GRIK2: variants seen among roughly 807,000 people sequenced by gnomAD.
The protein encoded by GRIK2 is glutamate ionotropic receptor kainate type subunit 2.
A neutral mutation model predicts 100.3 loss-of-function variants in GRIK2; 32 were observed. The ratio of observed to expected loss-of-function variants is 0.32; its 90% CI spans 0.24 to 0.43. The LOEUF is 0.43. Ranked by LOEUF, GRIK2 falls within the 20% of genes least tolerant of loss-of-function variation. The pLI, the probability that GRIK2 is intolerant of heterozygous loss-of-function variation, is 1.00. For missense variants in GRIK2, 843 were observed against 1,114.9 expected (o/e 0.76, Z 3.47); for synonymous variants, 417 against 389.4 (o/e 1.07, Z -0.83).
At chr6:101,759,141 A>C (rs1777323964) in intron 7 of GRIK2, among the ~76,000 whole-genome samples, 2 of 152,210 alleles carry the variant, frequency 1.3e-5, no homozygotes, top group South Asian at 4.1e-4. Context: ...TATTCTCTGC[A>C]TCTGTAATGA....
At chr6:102,030,515 G>A (rs1451224832) in intron 14 of GRIK2, among the ~76,000 whole-genome samples, 1 of 150,488 alleles carries the variant, frequency 6.6e-6, no homozygotes, top group African/African-American at 2.4e-5. Flanking sequence ...CCCTCAATTA[G>A]CCCTTGCTAA....
At chr6:101,882,426 A>C (rs1487498164) in intron 11 of GRIK2, among the ~76,000 whole-genome samples, 1 of 152,154 alleles carries the variant, frequency 6.6e-6, no homozygotes, top group Non-Finnish European at 1.5e-5. Context: ...TATTCTGAAG[A>C]CATCAGTTAA....
chr6:101,933,252 C>A (rs1319759816), intron 14 of GRIK2, among the ~76,000 whole-genome samples: 1 of 151,808 alleles, frequency 6.6e-6, no homozygotes, highest in Non-Finnish European at 1.5e-5. Flanking sequence ...AGTTTTATCC[C>A]CTCTACATCA....
chr6:101,916,709 T>C (rs1165343352), intron 12 of GRIK2, among the ~76,000 whole-genome samples: 1 of 151,694 alleles, frequency 6.6e-6, no homozygotes, highest in Non-Finnish European at 1.5e-5. Context: ...TTTATACTAA[T>C]GTAATAGTTT....
chr6:101,556,043 T>C (rs1470611615), intron 2 of GRIK2, among the ~76,000 whole-genome samples: 20 of 152,242 alleles, frequency 1.3e-4, no homozygotes, highest in African/African-American at 4.8e-4. Context: ...ATTTTGTCAG[T>C]AGGCTCTCTT....
At chr6:101,814,929 T>C (rs1341145741) in intron 9 of GRIK2, among the ~76,000 whole-genome samples, 2 of 152,216 alleles carry the variant, frequency 1.3e-5, no homozygotes, top group African/African-American at 4.8e-5. Flanking sequence ...ACACACTATG[T>C]TGAATACTTT....
chr6:101,908,991 AC>A (rs2128464618), intron 12 of GRIK2, among the ~76,000 whole-genome samples: 1 of 151,452 alleles, frequency 6.6e-6, no homozygotes, highest in East Asian at 1.9e-4. Flanking sequence ...AGGGCTCTCA[AC>A]TAGTATAGAA....
chr6:101,594,164 T>A (rs895629037), intron 2 of GRIK2, among the ~76,000 whole-genome samples: 3 of 151,816 alleles, frequency 2.0e-5, no homozygotes, highest in African/African-American at 7.2e-5. Context: ...AGTAATGTAA[T>A]AGAGGTAGCA....
At chr6:101,664,982 C>T (rs1769908720) in intron 4 of GRIK2, among the ~76,000 whole-genome samples, 2 of 152,182 alleles carry the variant, frequency 1.3e-5, no homozygotes, top group South Asian at 4.1e-4. Context: ...CACTGGGCCC[C>T]TCGCATGGCA....
chr6:101,967,207 A>G (rs1792738168), intron 14 of GRIK2, among the ~76,000 whole-genome samples: 1 of 151,960 alleles, frequency 6.6e-6, no homozygotes, highest in Non-Finnish European at 1.5e-5. Context: ...TTCATGAGGA[A>G]CCAAACCTAA....
intron 7 of GRIK2, among the ~76,000 whole-genome samples, chr6:101,793,651 G>C (rs965103035): frequency 6.6e-6 from 1 of 152,132 alleles, no homozygotes; most frequent in Admixed American, 6.5e-5. Context: ...CTGCTCGGGG[G>C]TCAGGGGTCA....
chr6:101,912,192 TA>T (rs201015149), intron 12 of GRIK2, among the ~76,000 whole-genome samples: 3 of 150,882 alleles, frequency 2.0e-5, no homozygotes, highest in Admixed American at 6.7e-5. Flanking sequence ...TTATATTTTT[TA>T]TTGGGTATAC....
chr6:101,884,856 G>A (rs1481060475), intron 11 of GRIK2, among the ~76,000 whole-genome samples: 2 of 152,094 alleles, frequency 1.3e-5, no homozygotes, highest in East Asian at 1.9e-4. Flanking sequence ...CCTTAGGGAT[G>A]TTAGGTTCAT....
At chr6:101,976,077 G>A (rs960419165) in intron 14 of GRIK2, among the ~76,000 whole-genome samples, 6 of 151,640 alleles carry the variant, frequency 4.0e-5, no homozygotes, top group African/African-American at 1.5e-4. Flanking sequence ...AAGGAGAGGA[G>A]GAAAAAGAGG....
At chr6:101,616,598 A>G (rs1351475606) in intron 2 of GRIK2, among the ~76,000 whole-genome samples, 1 of 151,788 alleles carries the variant, frequency 6.6e-6, no homozygotes, top group Non-Finnish European at 1.5e-5. Flanking sequence ...TTGTGTTCTT[A>G]TAAATAAAGA....
In GRIK2 at chr6:101,802,328, T is replaced by C. The variant is rs1248302444; in HGVS notation, c.1096-3T>C. The C allele has an allele frequency of 2.9e-6, 4 of 1,364,280 alleles. No homozygotes were observed. Among genetic ancestry groups the C allele is most frequent in the African/African-American group, 1.4e-5 (1 of 69,032 alleles). 84.5% of individuals were successfully genotyped at this position (1,364,280 alleles called of 1,614,324 possible). A position where few individuals can be genotyped will look rare whatever the true frequency, so the allele number is the denominator to read the frequency against. Reference sequence around the variant, plus strand: ...TATTATCAATGTTTTTCTATTCCCATAGGCACATTGGGAAGGCCTCACAGG... The same window carrying C: ...TATTATCAATGTTTTTCTATTCCCACAGGCACATTGGGAAGGCCTCACAGG... On this transcript the variant is annotated splice_region_variant and splice_polypyrimidine_tract_variant and intron_variant, in intron 8 of 16. Coordinates refer to ENST00000369134, the MANE Select transcript of GRIK2 (RefSeq NM_021956.5).
chr6:101,777,195 C>A (rs986496216), intron 7 of GRIK2, among the ~76,000 whole-genome samples: 1 of 152,204 alleles, frequency 6.6e-6, no homozygotes, highest in African/African-American at 2.4e-5. Flanking sequence ...ACAATTGGCT[C>A]CCGACTGGGT....
chr6:101,460,722 T>C (rs1771262012), intron 2 of GRIK2, among the ~76,000 whole-genome samples: 1 of 152,194 alleles, frequency 6.6e-6, no homozygotes, highest in South Asian at 2.1e-4. Flanking sequence ...TGCATTTCCT[T>C]AATTTTCTCT....
chr6:101,779,796 G>T (rs535873018), intron 7 of GRIK2, among the ~76,000 whole-genome samples: 2 of 152,056 alleles, frequency 1.3e-5, no homozygotes, highest in African/African-American at 4.8e-5. Flanking sequence ...GTATGTGTGT[G>T]TATGTATAAT....
Sources: gnomAD v4.1 joint callset for allele counts (sites outside exome capture counted in the v4.1 genomes callset) on GRCh38, gnomAD v4.1.1 for gene constraint, MANE v1.5 for transcripts, NCBI Gene and HGNC (gene_info 2026-07-23, HGNC 2026-07-21) for gene names.